The following ZNF385D variants were observed in gnomAD, a reference collection of about 807,000 sequenced individuals.
ZNF385D encodes zinc finger protein 385D.
Under a neutral mutation model 35.8 loss-of-function variants are expected in ZNF385D, and 15 were observed. That is an observed-to-expected ratio of 0.42 (90% CI 0.28 to 0.64). The LOEUF (loss-of-function observed/expected upper bound fraction) is 0.64, where lower values mean the gene tolerates loss of function less well. Among genes scored for constraint, ZNF385D ranks in the 30% least tolerant of loss-of-function variants. ZNF385D has a pLI of 0.23. For synonymous variants in ZNF385D, 212 were observed against 186.8 expected (o/e 1.13, Z -1.10); for missense variants, 474 against 494.6 (o/e 0.96, Z 0.39).
intron 1 of ZNF385D, among the ~76,000 whole-genome samples, chr3:21,679,164 T>C (rs1024232420): frequency 6.6e-6 from 1 of 152,058 alleles, no homozygotes; most frequent in African/African-American, 2.4e-5. Context: ...CTATTTCGGT[T>C]CTCCTTCTAT....
At chr3:21,994,284 A>G (rs556760389) in intron 3 of ZNF385D, among the ~76,000 whole-genome samples, 2 of 152,346 alleles carry the variant, frequency 1.3e-5, no homozygotes, top group South Asian at 2.1e-4. Flanking sequence ...TGATACAGGG[A>G]AAGTGATAAG....
chr3:22,094,710 T>C (rs1430519920), intron 3 of ZNF385D, among the ~76,000 whole-genome samples: 1 of 151,844 alleles, frequency 6.6e-6, no homozygotes, highest in Non-Finnish European at 1.5e-5. Context: ...ATACCAGACA[T>C]GCTCAGTAGG....
chr3:22,277,547 G>A (rs12488338), intron 2 of ZNF385D, among the ~76,000 whole-genome samples: 1,818 of 152,106 alleles, frequency 0.012, 18 homozygotes, highest in Non-Finnish European at 0.018. Context: ...AGTATCAAAC[G>A]AATTAAAGCA....
intron 2 of ZNF385D, among the ~76,000 whole-genome samples, chr3:22,263,245 G>C (rs893492168): frequency 6.6e-6 from 1 of 151,916 alleles, no homozygotes; most frequent in Non-Finnish European, 1.5e-5. Flanking sequence ...ATCTAACCCA[G>C]TCATTCTTCA....
chr3:21,936,536 G>A (rs1359473008), intron 3 of ZNF385D, among the ~76,000 whole-genome samples: 2 of 151,544 alleles, frequency 1.3e-5, no homozygotes, highest in Non-Finnish European at 2.9e-5. Flanking sequence ...GGAACACATA[G>A]TTTTTTTTAT....
chr3:21,898,804 G>C (rs879928677), intron 3 of ZNF385D, among the ~76,000 whole-genome samples: 1 of 152,044 alleles, frequency 6.6e-6, no homozygotes, highest in Non-Finnish European at 1.5e-5. Flanking sequence ...AGGCTACCAC[G>C]ACTCTCAGCA....
At chr3:21,424,317 A>ATATATATATTTT (rs1221923155) in intron 6 of ZNF385D, among the ~76,000 whole-genome samples, 4 of 63,814 alleles carry the variant, frequency 6.3e-5, no homozygotes, top group African/African-American at 1.8e-4. Flanking sequence ...ATATATATAT[A>ATATATATATTTT]TTTTTTTTTT....
intron 3 of ZNF385D, among the ~76,000 whole-genome samples, chr3:22,139,948 C>G (rs1453427388): frequency 2.6e-5 from 4 of 152,056 alleles, no homozygotes; most frequent in Non-Finnish European, 5.9e-5. Flanking sequence ...AATATACTGA[C>G]AGGTTACATC....
chr3:21,970,094 A>G (rs1703153124), intron 3 of ZNF385D, among the ~76,000 whole-genome samples: 1 of 152,180 alleles, frequency 6.6e-6, no homozygotes, highest in South Asian at 2.1e-4. Context: ...ATGCTTCCCA[A>G]GAAGGACAGG....
intron 2 of ZNF385D, among the ~76,000 whole-genome samples, chr3:22,273,464 AT>A (rs1701277864): frequency 6.6e-6 from 1 of 151,994 alleles, no homozygotes. Flanking sequence ...TTCTACTGGT[AT>A]CGAATGGGTA....
intron 2 of ZNF385D, among the ~76,000 whole-genome samples, chr3:22,236,159 G>A (rs1212035381): frequency 1.3e-5 from 2 of 152,076 alleles, no homozygotes; most frequent in East Asian, 1.9e-4. Flanking sequence ...AATCATGTAA[G>A]TAATGGTATA....
chr3:22,237,869 C>T (rs1699278469), intron 2 of ZNF385D, among the ~76,000 whole-genome samples: 1 of 143,914 alleles, frequency 6.9e-6, no homozygotes, highest in Non-Finnish European at 1.5e-5. Context: ...GTCTCGATCT[C>T]CTGATCTTGT....
intron 3 of ZNF385D, among the ~76,000 whole-genome samples, chr3:21,757,234 C>T (rs536584520): frequency 3.4e-5 from 5 of 148,236 alleles, no homozygotes; most frequent in Non-Finnish European, 6.0e-5. Context: ...TGGGTTCAAG[C>T]GATTCTCGTG....
At position 22,344,177 on chromosome 3, in the gene ZNF385D, G is replaced by GGGGTGT. The variant is rs1553652922; in HGVS notation, c.106+28272_106+28273insACACCC. On this transcript the variant is annotated intron_variant, in intron 2 of 5. Transcript: ENST00000494108. ...TAGGCACATGGGTAGGGTGGGGTGG[G>GGGGTGT]GTGTGTGTGTGTGTGTGTGTGTGTG... is the stretch of plus-strand genomic sequence containing the variant. Among the ~76,000 whole-genome samples, 262 of 140,844 alleles carry GGGGTGT rather than the reference G, an allele frequency of 1.9e-3. 1 individual carries two copies. The highest frequency in any genetic ancestry group is 6.6e-3 in the African/African-American group (243 of 37,082). The allele number at this position is 140,844 out of a possible 152,430, so 92.4% of individuals were successfully genotyped here. A position where few individuals can be genotyped will look rare whatever the true frequency, so the allele number is the denominator to read the frequency against.
At chr3:21,716,522 A>G (rs997282135) in intron 1 of ZNF385D, among the ~76,000 whole-genome samples, 1 of 152,144 alleles carries the variant, frequency 6.6e-6, no homozygotes, top group Non-Finnish European at 1.5e-5. Flanking sequence ...CAGGACTTCC[A>G]CAATGACTAT....
intron 3 of ZNF385D, among the ~76,000 whole-genome samples, chr3:21,765,790 T>C (rs1224821180): frequency 1.3e-5 from 2 of 151,940 alleles, no homozygotes; most frequent in Non-Finnish European, 2.9e-5. Context: ...GAAAGGAACA[T>C]CTTACATGTA....
chr3:21,754,418 C>T (rs1477974500), upstream of ZNF385D, among the ~76,000 whole-genome samples: 3 of 152,138 alleles, frequency 2.0e-5, no homozygotes, highest in Non-Finnish European at 4.4e-5. Context: ...GTAGCACCAA[C>T]CTGCTTGCCA....
intron 3 of ZNF385D, among the ~76,000 whole-genome samples, chr3:22,101,614 G>T (rs1335792949): frequency 2.6e-5 from 4 of 152,026 alleles, no homozygotes; most frequent in Admixed American, 2.0e-4. Flanking sequence ...AATAGGAACT[G>T]ACACATTTAA....
intron 3 of ZNF385D, among the ~76,000 whole-genome samples, chr3:21,544,491 A>G (rs1489410934): frequency 2.6e-5 from 4 of 152,166 alleles, no homozygotes; most frequent in South Asian, 2.1e-4. Context: ...ACTTTCGCCT[A>G]GGGTTACAGG....
Sources: gnomAD v4.1 joint callset for allele counts (sites outside exome capture counted in the v4.1 genomes callset) on GRCh38, gnomAD v4.1.1 for gene constraint, MANE v1.5 for transcripts, NCBI Gene and HGNC (gene_info 2026-07-23, HGNC 2026-07-21) for gene names.